The following PPP1R26 variants were observed in gnomAD, a reference collection of about 807,000 sequenced individuals.
PPP1R26 encodes the protein protein phosphatase 1 regulatory subunit 26.
A neutral mutation model predicts 67.6 loss-of-function variants in PPP1R26; 22 were observed. That is an observed-to-expected ratio of 0.33 (90% CI 0.23 to 0.46). The LOEUF is 0.46. Ranked by LOEUF, PPP1R26 falls within the 20% of genes least tolerant of loss-of-function variation. The pLI is 1.00. For missense variants in PPP1R26, 1,602 were observed against 1,651.4 expected, an observed-to-expected ratio of 0.97 and a Z score of 0.52; for synonymous variants, 729 against 717.2, an observed-to-expected ratio of 1.02 and a Z score of -0.26.
In PPP1R26 at chr9:135,487,842, T is replaced by C; in HGVS notation, c.3332T>C (p.Leu1111Pro). The change falls in exon 4 of 4, where the codon CTG becomes CCG. Residue 1111 changes from leucine (L) to proline (P), a missense_variant. Transcript: ENST00000356818. The part of the protein sequence containing the change: ...GLFSPHLGLP[L>P]QGPSFSAFRE... ...TTCAGCCCCCACCTGGGGCTGCCTC[T>C]GCAGGGCCCCTCCTTCTCGGCCTTC... is the stretch of plus-strand genomic sequence containing the variant. 6.3e-7 allele frequency: 1 copy of C among 1,595,258 alleles called. No homozygotes were observed. The highest frequency in any genetic ancestry group is 1.7e-5 in the Admixed American group (1 of 57,166).
Position 135,488,325 on chromosome 9 carries a change from G to T in PPP1R26, c.*185G>T. The T allele has an allele frequency of 9.2e-7, 1 of 1,091,302 alleles. No individual in the cohort carries two copies. The highest frequency in any genetic ancestry group is 1.2e-6 in the Non-Finnish European group (1 of 847,408). The allele number at this position is 1,091,302 out of a possible 1,614,324, so 67.6% of individuals were successfully genotyped here. The stretch of plus-strand genomic sequence containing the variant: ...ACGTGTCCTGGTAAATATGATTTTT[G>T]TAGCTTTTTGTAAATTATTTAAAGT... On this transcript the variant is annotated 3_prime_UTR_variant, in exon 4 of 4. Transcript: ENST00000356818.
At chr9:135,484,105 T>TA (rs1012899544) in intron 3 of PPP1R26, 23 bp downstream of exon 3, 1 of 413,406 alleles carries the variant, frequency 2.4e-6, no homozygotes, top group Non-Finnish European at 4.3e-6. Context: ...TCTCCCCTCT[T>TA]ACAGAGAAGG....
Position 135,485,453 on chromosome 9 carries a change from A to G in PPP1R26, c.943A>G (p.Asn315Asp), listed in dbSNP as rs747262895. 1.9e-6 allele frequency: 3 copies of G among 1,612,832 alleles called. No homozygotes were observed. Residue 315 changes from asparagine (N) to aspartate (D), a missense_variant, in exon 4 of 4, where the codon AAC (asparagine) becomes GAC (aspartate). Transcript: ENST00000356818. The surrounding 1 kb of genome is among the most constrained non-coding windows in gnomAD (Gnocchi z 7.2). ...LRSKVTTTQE[N>D]EGSTKPATPC... is the part of the protein sequence containing the mutation. ...GTCCAAGGTCACAACCACGCAGGAG[A>G]ACGAGGGCAGCACGAAGCCGGCAAC...
At position 135,487,418 on chromosome 9, in the gene PPP1R26, G is replaced by A; in HGVS notation, c.2908G>A (p.Glu970Lys). The stretch of plus-strand genomic sequence containing the variant: ...CAAAGACCAGAGCCCACGAGGGGCT[G>A]AGCCTGCTGCCAAAAGTGCTTTTGG... ...VHKDQSPRGA[E>K]PAAKSAFGQL... The change falls in exon 4 of 4, where the codon GAG (glutamate) becomes AAG (lysine). Residue 970 changes from glutamate to lysine, a missense_variant. By Grantham distance (56) the Glu-to-Lys change is moderately conservative (BLOSUM62 1). Transcript: ENST00000356818. 6.2e-7 allele frequency: 1 copy of A among 1,602,778 alleles called. No individual in the cohort carries two copies. The highest frequency in any genetic ancestry group is 1.1e-5 in the South Asian group (1 of 90,000).
Position 135,486,868 on chromosome 9 carries a change from G to C in PPP1R26, c.2358G>C (p.Ala786=). ...AGAGGATGAGGCAGGAGGGTGCCGC[G>C]AGCCAGGACGCGGCCCTGGCCTTCC... ...TAERMRQEGA[A]SQDAALAFRV... The change falls in exon 4 of 4, where the codon GCG becomes GCC. Residue 786 remains alanine (A), a synonymous_variant. Transcript: ENST00000356818. This position sits in a 1 kb window ranked among gnomAD's most constrained non-coding sequence, Gnocchi z 6.2. 4 of 1,612,056 alleles carry C rather than the reference G, an allele frequency of 2.5e-6. No individual in the cohort carries two copies. The highest frequency in any genetic ancestry group is 3.4e-6 in the Non-Finnish European group (4 of 1,179,672).
At chr9:135,482,987 CTTTTTTTTTT>C (rs57608324) in intron 2 of PPP1R26, among the ~76,000 whole-genome samples, 172 bp downstream of exon 2, 1 of 112,060 alleles carries the variant, frequency 8.9e-6, no homozygotes, top group Non-Finnish European at 1.7e-5. Context: ...TTCTTTCTTT[CTTTTTTTTTT>C]TTTTTTTTTT....
At chr9:135,479,620 G>A (rs1329866825), upstream of PPP1R26, 2 of 145,856 alleles carry the variant, frequency 1.4e-5, no homozygotes, top group Admixed American at 6.8e-5. The surrounding 1 kb of genome is among the most constrained non-coding windows in gnomAD (Gnocchi z 5.9). Context: ...CGCGGGCGGG[G>A]GTCCGGCCGG....
At chr9:135,482,301 C>T (rs531415415) in intron 1 of PPP1R26, among the ~76,000 whole-genome samples, 18 of 152,324 alleles carry the variant, frequency 1.2e-4, no homozygotes, top group East Asian at 7.7e-4. Flanking sequence ...GAGCTCCTCT[C>T]GCATTGTTGG....
Position 135,485,923 on chromosome 9 carries a change from C to T in PPP1R26, c.1413C>T (p.Ser471=), listed in dbSNP as rs761205566. The change falls in exon 4 of 4, where the codon TCC becomes TCT. Residue 471 remains serine, a synonymous_variant. Coordinates refer to ENST00000356818, the MANE Select transcript of PPP1R26 (RefSeq NM_014811.5). The surrounding 1 kb of genome is among the most constrained non-coding windows in gnomAD (Gnocchi z 7.2). ...CCAGGAGTGAGTTTGTGGAACGGTCCTCGTGCCGGGCGGACACATCTGCTG... is the reference window on the plus strand; with the variant it reads ...CCAGGAGTGAGTTTGTGGAACGGTCTTCGTGCCGGGCGGACACATCTGCTG... ...PASRSEFVER[S]SCRADTSAEL... The T allele has an allele frequency of 6.2e-7, 1 of 1,613,388 alleles. No individual in the cohort carries two copies. The highest frequency in any genetic ancestry group is 1.1e-5 in the South Asian group (1 of 91,090).
rs772923215 is a variant in PPP1R26, at chr9:135,487,846, G to C, written c.3336G>C (p.Gln1112His). The C allele has an allele frequency of 2.6e-5, 42 of 1,594,956 alleles. No homozygotes were observed. The highest frequency in any genetic ancestry group is 3.4e-5 in the Non-Finnish European group (40 of 1,172,630). ...LFSPHLGLPL[Q>H]GPSFSAFREA... ...GCCCCCACCTGGGGCTGCCTCTGCAGGGCCCCTCCTTCTCGGCCTTCAGGG... is the reference window on the plus strand; with the variant it reads ...GCCCCCACCTGGGGCTGCCTCTGCACGGCCCCTCCTTCTCGGCCTTCAGGG... The change falls in exon 4 of 4, where the codon CAG becomes CAC. Residue 1112 changes from glutamine (Q) to histidine (H), a missense_variant. By Grantham distance (24) the Gln-to-His change is conservative. Around this residue, in one of 5 missense-constraint regions of PPP1R26, gnomAD observed 740 missense variants for 696.3 expected, o/e 1.06. Coordinates refer to ENST00000356818, the MANE Select transcript of PPP1R26 (RefSeq NM_014811.5).
At position 135,485,760 on chromosome 9, in the gene PPP1R26, A is replaced by G. The variant is rs372093730; in HGVS notation, c.1250A>G (p.Glu417Gly). The change falls in exon 4 of 4, where the codon GAG (glutamate) becomes GGG (glycine). Residue 417 changes from glutamate to glycine, a missense_variant. Glu to Gly is a moderately conservative substitution (Grantham distance 98). This residue lies in a region of PPP1R26 where 680 missense variants were observed against 726.1 expected (regional missense o/e 0.94). Transcript: ENST00000356818. The surrounding 1 kb of genome is among the most constrained non-coding windows in gnomAD (Gnocchi z 7.2). ...AGTGCCACAAAAAGTGCCTTGCCCG[A>G]GACCCACAGGAAAACACCCAGCAAG... ...TSSATKSALP[E>G]THRKTPSKKK... 213 of 1,611,314 alleles carry G rather than the reference A, an allele frequency of 1.3e-4. 5 individuals carry two copies. In the South Asian group the frequency reaches 1.4e-3, roughly 11 times the overall value.
chr9:135,484,125 G>A (rs766889033), intron 3 of PPP1R26, 43 bp downstream of exon 3: 30 of 414,268 alleles, frequency 7.2e-5, no homozygotes, highest in Non-Finnish European at 8.1e-5. Context: ...GTGGAAGCCC[G>A]GAGTGAGAAG....
Position 135,485,151 on chromosome 9 carries a change from T to C in PPP1R26, c.641T>C (p.Val214Ala). 1.2e-6 allele frequency: 2 copies of C among 1,612,752 alleles called. No individual in the cohort carries two copies. Among genetic ancestry groups the C allele is most frequent in the East Asian group, 2.2e-5 (1 of 44,870 alleles). Residue 214 changes from valine to alanine, a missense_variant, in exon 4 of 4, where the codon GTC becomes GCC. Coordinates refer to ENST00000356818, the MANE Select transcript of PPP1R26 (RefSeq NM_014811.5). The surrounding 1 kb of genome is among the most constrained non-coding windows in gnomAD (Gnocchi z 7.2). ...AAGGACCAGGGCTCCGCCTCCCCGG[T>C]CAGTGTGAGCAGCGATGACTCCTTC... ...SSKDQGSASP[V>A]SVSSDDSFEQ...
At position 135,486,955 on chromosome 9, in the gene PPP1R26, G is replaced by A. The variant is rs768989987; in HGVS notation, c.2445G>A (p.Gln815=). 22 of 1,612,878 alleles carry A rather than the reference G, an allele frequency of 1.4e-5. No individual in the cohort carries two copies. Among genetic ancestry groups the A allele is most frequent in the Non-Finnish European group, 1.9e-5 (22 of 1,180,030 alleles). The stretch of plus-strand genomic sequence containing the variant: ...GGAATCCATTCCCCAGGGAGTCCCA[G>A]GGCCCAGCTCCCAGCCCCGGCTCCC... ...SEGNPFPRES[Q]GPAPSPGSLS... Residue 815 remains glutamine (Q), a synonymous_variant, in exon 4 of 4, where the codon CAG becomes CAA. Transcript: ENST00000356818. This position sits in a 1 kb window ranked among gnomAD's most constrained non-coding sequence, Gnocchi z 6.2.
Position 135,487,930 on chromosome 9 carries a change from C to T in PPP1R26, c.3420C>T (p.Asp1140=), listed in dbSNP as rs141953847. 1,392 of 1,582,094 alleles carry T rather than the reference C, an allele frequency of 8.8e-4. 2 individuals carry two copies. The highest frequency in any genetic ancestry group is 1.1e-3 in the Non-Finnish European group (1,318 of 1,165,290). The change falls in exon 4 of 4, where the codon GAC becomes GAT. Residue 1140 remains aspartate, a synonymous_variant. Coordinates refer to ENST00000356818, the MANE Select transcript of PPP1R26 (RefSeq NM_014811.5). ...FGSPHLLAKK[D]GGPWPTRKAQ... is the part of the protein sequence containing the mutation. Reference sequence around the variant, plus strand: ...GCCCACACTTGCTGGCAAAGAAGGACGGCGGCCCCTGGCCAACCAGGAAGG... The same window carrying T: ...GCCCACACTTGCTGGCAAAGAAGGATGGCGGCCCCTGGCCAACCAGGAAGG...
Position 135,484,719 on chromosome 9 carries a change from A to T in PPP1R26, c.209A>T (p.Gln70Leu). Residue 70 changes from glutamine (Q) to leucine (L), a missense_variant, in exon 4 of 4, where the codon CAG becomes CTG. Gln to Leu is a moderately radical substitution (Grantham distance 113). Coordinates refer to ENST00000356818, the MANE Select transcript of PPP1R26 (RefSeq NM_014811.5). ...GGCACCAGCGATGAGCGCGCCGCAC[A>T]GAGGGGCCACAGGGCAGAGGGATGC... ...ARGTSDERAA[Q>L]RGHRAEGCHD... 1 of 1,609,974 alleles carries T rather than the reference A, an allele frequency of 6.2e-7. No homozygotes were observed. The highest frequency in any genetic ancestry group is 8.5e-7 in the Non-Finnish European group (1 of 1,178,910).
intron 1 of PPP1R26, among the ~76,000 whole-genome samples, chr9:135,481,107 T>C (rs1830500427): frequency 6.6e-6 from 1 of 152,168 alleles, no homozygotes; most frequent in Non-Finnish European, 1.5e-5. Flanking sequence ...CGTGTGGCCT[T>C]GGGGTGCAGG....
At position 135,487,814 on chromosome 9, in the gene PPP1R26, C is replaced by A. The variant is rs1316056780; in HGVS notation, c.3304C>A (p.Leu1102Ile). ...CTCCTGGGGGGGCAGGCAGGCTGGC[C>A]TCTTCAGCCCCCACCTGGGGCTGCC... ...GVSWGGRQAGLFSPHLGLPLQ... is the reference protein window; with the variant it reads ...GVSWGGRQAGIFSPHLGLPLQ... Residue 1102 changes from leucine to isoleucine, a missense_variant, in exon 4 of 4, where the codon CTC (leucine) becomes ATC (isoleucine). Transcript: ENST00000356818. The A allele has an allele frequency of 6.3e-7, 1 of 1,588,288 alleles. No individual in the cohort carries two copies. Among genetic ancestry groups the A allele is most frequent in the African/African-American group, 1.4e-5 (1 of 73,796 alleles).
At position 135,488,203 on chromosome 9, in the gene PPP1R26, C is replaced by T. The variant is rs1158342628; in HGVS notation, c.*63C>T. ...ATTCGTGGAAAGCGGCGTAGCCGTG[C>T]GTGTGTGTGATGGTTCCGTGGCTGC... On this transcript the variant is annotated 3_prime_UTR_variant, in exon 4 of 4. Coordinates refer to ENST00000356818, the MANE Select transcript of PPP1R26 (RefSeq NM_014811.5). 1.2e-5 allele frequency: 17 copies of T among 1,466,790 alleles called. No homozygotes were observed. The highest frequency in any genetic ancestry group is 4.8e-5 in the East Asian group (2 of 41,634). The allele number at this position is 1,466,790 out of a possible 1,614,324, so 90.9% of individuals were successfully genotyped here.
Sources: allele counts gnomAD v4.1 joint callset (sites outside exome capture counted in the v4.1 genomes callset), GRCh38; gene constraint gnomAD v4.1.1; regional missense constraint gnomAD v4.1.1; non-coding constraint Gnocchi (gnomAD v3.1); transcripts MANE v1.5; gene names NCBI Gene and HGNC (gene_info 2026-07-23, HGNC 2026-07-21).